The following GULP1 variants were observed in gnomAD, a reference collection of about 807,000 sequenced individuals.
GULP1 encodes the protein PTB domain-containing engulfment adapter protein 1.
A neutral mutation model predicts 40.9 loss-of-function variants in GULP1; 19 were observed. The observed-to-expected ratio is 0.46, with a 90% CI of 0.32 to 0.68. The LOEUF (loss-of-function observed/expected upper bound fraction) is 0.68. Among genes scored for constraint, GULP1 ranks in the 30% least tolerant of loss-of-function variants. The pLI is 0.03. For synonymous variants in GULP1, 119 were observed against 117.6 expected, an observed-to-expected ratio of 1.01 and a Z score of -0.08; for missense variants, 312 against 362.2, an observed-to-expected ratio of 0.86 and a Z score of 1.12.
Position 188,587,866 on chromosome 2 carries a change from T to G in GULP1, c.760T>G (p.Phe254Val). The change falls in exon 11 of 12, where the codon TTT becomes GTT. Residue 254 changes from phenylalanine (F) to valine (V), a missense_variant. By Grantham distance (50) the Phe-to-Val change is conservative. Coordinates refer to ENST00000409830, the MANE Select transcript of GULP1 (RefSeq NM_016315.4). ...TTCCTTCCTTGCAGAACGGGACCTG[T>G]TTGGAGCAGAACCTTTTGACCCATT... ...SRSTEIKRDLFGAEPFDPFNC... is the reference protein window; with the variant it reads ...SRSTEIKRDLVGAEPFDPFNC... 1 of 1,603,518 alleles carries G rather than the reference T, an allele frequency of 6.2e-7. No individual in the cohort carries two copies. The highest frequency in any genetic ancestry group is 8.5e-7 in the Non-Finnish European group (1 of 1,170,824).
chr2:188,428,458 G>A (rs1352793083), intron 2 of GULP1, among the ~76,000 whole-genome samples: 1 of 152,166 alleles, frequency 6.6e-6, no homozygotes, highest in African/African-American at 2.4e-5. Flanking sequence ...AATATTGTAG[G>A]ACGGGCTTGG....
At chr2:188,399,699 A>AAAC (rs1559194877) in intron 2 of GULP1, among the ~76,000 whole-genome samples, 1 of 148,188 alleles carries the variant, frequency 6.7e-6, no homozygotes, top group Non-Finnish European at 1.5e-5. Context: ...AGAAAAAAAA[A>AAAC]AAAAAAAAAA....
chr2:188,337,266 G>A (rs2042397433), intron 1 of GULP1, among the ~76,000 whole-genome samples: 2 of 151,996 alleles, frequency 1.3e-5, no homozygotes, highest in South Asian at 4.2e-4. Context: ...AGCCTCCTGA[G>A]TAGCTGGGAT....
At chr2:188,369,041 C>T (rs2047246682) in intron 1 of GULP1, among the ~76,000 whole-genome samples, 1 of 146,310 alleles carries the variant, frequency 6.8e-6, no homozygotes, top group Non-Finnish European at 1.5e-5. Context: ...TGTCTCACTG[C>T]AACCTGCCTC....
intron 1 of GULP1, among the ~76,000 whole-genome samples, chr2:188,368,945 A>ATATATATG (rs1189563382): frequency 7.6e-5 from 2 of 26,388 alleles, no homozygotes; most frequent in African/African-American, 5.0e-4. Context: ...GTGTGTATAT[A>ATATATATG]TATATATATA....
intron 6 of GULP1, among the ~76,000 whole-genome samples, chr2:188,535,579 A>G (rs936280529): frequency 3.9e-5 from 6 of 152,060 alleles, no homozygotes; most frequent in Admixed American, 1.3e-4. Context: ...TCTTTATCCA[A>G]TCTACCGTTA....
intron 2 of GULP1, among the ~76,000 whole-genome samples, chr2:188,473,009 A>G (rs2060714054): frequency 1.3e-5 from 2 of 152,062 alleles, no homozygotes; most frequent in Non-Finnish European, 2.9e-5. Flanking sequence ...CCCCAAGCCC[A>G]GTAATGCTGT....
intron 2 of GULP1, among the ~76,000 whole-genome samples, chr2:188,436,896 C>G (rs1404165246): frequency 6.6e-6 from 1 of 151,988 alleles, no homozygotes; most frequent in African/African-American, 2.4e-5. Flanking sequence ...CTATTTCTAT[C>G]CATAGATCTT....
chr2:188,532,402 A>C (rs905404255), intron 6 of GULP1, among the ~76,000 whole-genome samples: 1 of 152,166 alleles, frequency 6.6e-6, no homozygotes, highest in Non-Finnish European at 1.5e-5. Flanking sequence ...AAAGCGCTAC[A>C]AGATGGCTAC....
intron 4 of GULP1, among the ~76,000 whole-genome samples, chr2:188,494,213 G>T (rs2062684421): frequency 6.6e-6 from 1 of 151,832 alleles, no homozygotes; most frequent in Non-Finnish European, 1.5e-5. Flanking sequence ...CTCTTCCACA[G>T]GTATCAGCTG....
intron 11 of GULP1, chr2:188,591,354 C>CT (rs1478302181): frequency 6.6e-6 from 1 of 151,972 alleles, no homozygotes; most frequent in African/African-American, 2.4e-5. Flanking sequence ...TAACTATGGC[C>CT]TAGCAGTCTC....
intron 4 of GULP1, among the ~76,000 whole-genome samples, chr2:188,486,756 C>A (rs1378996655): frequency 6.6e-6 from 1 of 151,768 alleles, no homozygotes; most frequent in Non-Finnish European, 1.5e-5. Flanking sequence ...TTGGAGTTTT[C>A]TTTAATGTGC....
At chr2:188,563,818 C>T (rs192815277) in intron 7 of GULP1, among the ~76,000 whole-genome samples, 21 of 151,828 alleles carry the variant, frequency 1.4e-4, no homozygotes, top group African/African-American at 4.8e-4. Context: ...TGACAAAGAC[C>T]TTACAAAAAA....
chr2:188,555,290 C>T (rs955289765), intron 7 of GULP1, among the ~76,000 whole-genome samples: 2 of 151,924 alleles, frequency 1.3e-5, no homozygotes, highest in Non-Finnish European at 2.9e-5. Flanking sequence ...ATCTTTTTCC[C>T]TTGTGTTATT....
chr2:188,480,567 A>T (rs1242484019), intron 3 of GULP1, among the ~76,000 whole-genome samples: 2 of 151,986 alleles, frequency 1.3e-5, no homozygotes, highest in Admixed American at 6.6e-5. Context: ...GAGATTCTGA[A>T]GAGTGCTGAA....
At chr2:188,359,728 G>A (rs1400914344) in intron 1 of GULP1, among the ~76,000 whole-genome samples, 1 of 152,066 alleles carries the variant, frequency 6.6e-6, no homozygotes, top group Non-Finnish European at 1.5e-5. Context: ...GAGGTGATAG[G>A]CCCCAAATAA....
intron 7 of GULP1, among the ~76,000 whole-genome samples, chr2:188,544,313 A>G (rs1691322096): frequency 1.3e-5 from 2 of 152,112 alleles, no homozygotes; most frequent in African/African-American, 2.4e-5. Context: ...CAGCCATCAT[A>G]TAACACAATA....
intron 2 of GULP1, among the ~76,000 whole-genome samples, chr2:188,413,443 G>C (rs1310744838): frequency 9.2e-5 from 14 of 152,162 alleles, no homozygotes; most frequent in Non-Finnish European, 1.5e-5. Flanking sequence ...GACCAGTGAT[G>C]ATGAGCATTT....
At chr2:188,308,908 G>A (rs1164723089) in intron 1 of GULP1, among the ~76,000 whole-genome samples, 2 of 152,054 alleles carry the variant, frequency 1.3e-5, no homozygotes. Flanking sequence ...CATTTTCATG[G>A]AGCTTTTTCT....
Sources: gnomAD v4.1 joint callset for allele counts (sites outside exome capture counted in the v4.1 genomes callset) on GRCh38, gnomAD v4.1.1 for gene constraint, MANE v1.5 for transcripts, NCBI Gene and HGNC (gene_info 2026-07-23, HGNC 2026-07-21) for gene names.